Variants in ZNF280C observed in about 807,000 individuals in gnomAD.
The protein encoded by ZNF280C is suppressor of hairy wing homolog 3.
Under a neutral mutation model 53.6 loss-of-function variants are expected in ZNF280C, and 14 were observed. The observed-to-expected ratio is 0.26, with a 90% CI of 0.17 to 0.41. ZNF280C has a LOEUF of 0.41. ZNF280C is among the 10% of genes least tolerant of loss of function. The pLI is 1.00. For synonymous variants in ZNF280C, 203 were observed against 181.1 expected (o/e 1.12, Z -0.97); for missense variants, 416 against 547.1 (o/e 0.76, Z 2.39).
At chrX:130,225,062 G>A (rs1172058538) in intron 12 of ZNF280C, among the ~76,000 whole-genome samples, 1 of 111,265 alleles carries the variant, frequency 9.0e-6, no homozygotes, top group East Asian at 2.8e-4. Flanking sequence ...GCAAGTTAAG[G>A]CATACAACTT....
At position 130,239,640 on chromosome X, in the gene ZNF280C, A is replaced by G; in HGVS notation, c.435T>C (p.Phe145=). Residue 145 remains phenylalanine, a synonymous_variant, in exon 6 of 19, where the codon TTT becomes TTC. Transcript: ENST00000370978. The part of the protein sequence containing the change: ...VGSDNSSILL[F]DSTQESLPPS... Reference sequence around the variant, plus strand: ...GTGGTAGTGATTCCTGGGTCGAGTCAAACAGTAAAATTGAAGAATTATCCG... The same window carrying G: ...GTGGTAGTGATTCCTGGGTCGAGTCGAACAGTAAAATTGAAGAATTATCCG... 1 of 1,203,817 alleles carries G rather than the reference A, an allele frequency of 8.3e-7. No individual in the cohort carries two copies. The highest frequency in any genetic ancestry group is 1.1e-6 in the Non-Finnish European group (1 of 889,187).
At chrX:130,222,899 G>A (rs1179396550) in intron 12 of ZNF280C, among the ~76,000 whole-genome samples, 1 of 111,181 alleles carries the variant, frequency 9.0e-6, no homozygotes, top group Non-Finnish European at 1.9e-5. Flanking sequence ...CACCCTCCTC[G>A]GTCTCCCAAA....
Position 130,268,858 on chromosome X carries a change from C to G in ZNF280C, c.-113G>C, listed in dbSNP as rs2032720053. The G allele has an allele frequency of 8.9e-6, 1 of 112,629 alleles. No individual in the cohort carries two copies. Among genetic ancestry groups the G allele is most frequent in the South Asian group, 3.7e-4 (1 of 2,700 alleles). The allele number at this position is 112,629 out of a possible 1,213,427, so 9.3% of individuals were successfully genotyped here. A position where few individuals can be genotyped will look rare whatever the true frequency, so the allele number is the denominator to read the frequency against. ...AGCGCGAAAAACCTCAGGCGACAGC[C>G]TCAGCAACAGCGACTCCCCCGGAGA... is the stretch of plus-strand genomic sequence containing the variant. On this transcript the variant is annotated 5_prime_UTR_variant, in exon 1 of 19. Transcript: ENST00000370978.
chrX:130,214,924 A>G (rs2032083356), intron 15 of ZNF280C, among the ~76,000 whole-genome samples: 1 of 112,009 alleles, frequency 8.9e-6, no homozygotes, highest in African/African-American at 3.2e-5. Context: ...GAAAGACATA[A>G]AAGAAAAAAA....
At position 130,230,493 on chromosome X, in the gene ZNF280C, A is replaced by G. The variant is rs1433405468; in HGVS notation, c.989+17T>C. 9.0e-7 allele frequency: 1 copy of G among 1,110,008 alleles called. No homozygotes were observed. Among genetic ancestry groups the G allele is most frequent in the Non-Finnish European group, 1.2e-6 (1 of 818,579 alleles). The allele number at this position is 1,110,008 out of a possible 1,213,427, so 91.5% of individuals were successfully genotyped here. On this transcript the variant is annotated intron_variant, in intron 9 of 18. Transcript: ENST00000370978. ...ATCCCAACTTTCAAACAGAAATAAAAATAAATATTTACATACCTAATATTA... is the reference window on the plus strand; with the variant it reads ...ATCCCAACTTTCAAACAGAAATAAAGATAAATATTTACATACCTAATATTA...
At chrX:130,214,813 T>C (rs1429957388) in intron 15 of ZNF280C, among the ~76,000 whole-genome samples, 1 of 111,977 alleles carries the variant, frequency 8.9e-6, no homozygotes, top group African/African-American at 3.2e-5. Context: ...TTATCTACAG[T>C]TGGTTGAATC....
At chrX:130,247,156 T>A in intron 2 of ZNF280C, 151 bp from the exon 3 acceptor site, 1 of 610,832 alleles carries the variant, frequency 1.6e-6, no homozygotes, top group East Asian at 3.8e-5. Flanking sequence ...GAGTTTTGCT[T>A]TTGTTGCCCA....
intron 12 of ZNF280C, among the ~76,000 whole-genome samples, chrX:130,220,754 G>A (rs1274010254): frequency 9.0e-6 from 1 of 110,726 alleles, no homozygotes; most frequent in East Asian, 2.8e-4. Context: ...GCATAAATAC[G>A]AGTGGATCCC....
In ZNF280C at chrX:130,220,335, C is replaced by T; in HGVS notation, c.1527+14G>A. The stretch of plus-strand genomic sequence containing the variant: ...ATGTGCAAAAAACCACCAAAAACTC[C>T]CTCACAAACTCACTTTTGCTCCAGG... On this transcript the variant is annotated intron_variant, in intron 13 of 18. Transcript: ENST00000370978. 1 of 1,104,364 alleles carries T rather than the reference C, an allele frequency of 9.1e-7. No homozygotes were observed. Among genetic ancestry groups the T allele is most frequent in the South Asian group, 2.6e-5 (1 of 38,886 alleles). 91.0% of individuals were successfully genotyped at this position (1,104,364 alleles called of 1,213,427 possible).
chrX:130,215,957 T>C lies in ZNF280C; in HGVS notation c.1672A>G (p.Ser558Gly). ...TARNPRKSNASRSKTSKLHAT... is the reference protein window; with the variant it reads ...TARNPRKSNAGRSKTSKLHAT... ...TGAAGCTTACTTGTCTTAGATCTAC[T>C]GGCATTAGATTTTCTAGGATTTCTA... The change falls in exon 14 of 19, where the codon AGT becomes GGT. Residue 558 changes from serine (S) to glycine (G), a missense_variant. Physicochemically the swap from Ser to Gly is moderately conservative, Grantham distance 56. Transcript: ENST00000370978. 1 of 1,211,517 alleles carries C rather than the reference T, an allele frequency of 8.3e-7. No individual in the cohort carries two copies. Among genetic ancestry groups the C allele is most frequent in the Non-Finnish European group, 1.1e-6 (1 of 895,397 alleles).
Position 130,259,439 on chromosome X carries a change from A to G in ZNF280C, c.31+980T>C, listed in dbSNP as rs367849051. The stretch of plus-strand genomic sequence containing the variant: ...GGGAACAAATAAATAGGTCTTCCCC[A>G]TTCTTTTAAACTGAGTACTGTCATT... On this transcript the variant is annotated intron_variant, in intron 2 of 18. Transcript: ENST00000370978. 3.6e-4 allele frequency among the ~76,000 whole-genome samples: 40 copies of G among 112,469 alleles called. No homozygotes were observed. In the South Asian group the frequency reaches 0.012, roughly 33 times the overall value.
chrX:130,235,098 A>G (rs2032317007), intron 8 of ZNF280C, among the ~76,000 whole-genome samples: 1 of 112,298 alleles, frequency 8.9e-6, no homozygotes, highest in African/African-American at 3.2e-5. Flanking sequence ...AGGTAAACAA[A>G]AGGAGCTTTC....
chrX:130,264,037 AAAAAG>A (rs2032660487), intron 1 of ZNF280C, among the ~76,000 whole-genome samples: 1 of 105,064 alleles, frequency 9.5e-6, no homozygotes, highest in African/African-American at 3.5e-5. Flanking sequence ...AAAAAAAAAA[AAAAAG>A]AAAAGAAAGA....
At chrX:130,260,522 G>A in intron 1 of ZNF280C, 57 bp from the exon 2 acceptor site, 1 of 951,530 alleles carries the variant, frequency 1.1e-6, no homozygotes, top group Non-Finnish European at 1.5e-6. Context: ...GTAACACCAA[G>A]TATTGAAACA....
rs750072199 is a variant in ZNF280C, at chrX:130,207,654, G to A, written c.2042+1999C>T. Among the ~76,000 whole-genome samples the A allele has an allele frequency of 9.9e-5, 11 of 111,581 alleles. 1 individual carries two copies. The South Asian group carries it at 4.1e-3, about 42-fold the overall frequency. On this transcript the variant is annotated intron_variant, in intron 16 of 18. Coordinates refer to ENST00000370978, the MANE Select transcript of ZNF280C (RefSeq NM_017666.5). ...TGGGATTACAGGCATGAGTCACCGT[G>A]CCCGGCCAACTTTGATCTTAATATA...
At chrX:130,251,861 C>T (rs751548230) in intron 2 of ZNF280C, among the ~76,000 whole-genome samples, 30 of 111,055 alleles carry the variant, frequency 2.7e-4, no homozygotes, top group Non-Finnish European at 5.3e-4. Context: ...CGACCTTAAT[C>T]CCAGCACTCT....
chrX:130,209,758 T>A (rs1404904535), intron 15 of ZNF280C, 43 bp from the exon 16 acceptor site: 1 of 1,016,594 alleles, frequency 9.8e-7, no homozygotes, highest in Non-Finnish European at 1.4e-6. Flanking sequence ...AATTTTATTA[T>A]ACAACACCAT....
intron 1 of ZNF280C, among the ~76,000 whole-genome samples, chrX:130,262,138 T>C (rs2042026879): frequency 1.8e-5 from 2 of 112,215 alleles, no homozygotes; most frequent in South Asian, 7.4e-4. Flanking sequence ...AGAGTCTCAA[T>C]TGGTACGCTC....
Position 130,230,735 on chromosome X carries a change from A to G in ZNF280C, c.772-8T>C. The G allele has an allele frequency of 8.7e-7, 1 of 1,143,522 alleles. No individual in the cohort carries two copies. The highest frequency in any genetic ancestry group is 1.2e-6 in the Non-Finnish European group (1 of 840,937). 94.2% of individuals were successfully genotyped at this position (1,143,522 alleles called of 1,213,427 possible). A position where few individuals can be genotyped will look rare whatever the true frequency, so the allele number is the denominator to read the frequency against. On this transcript the variant is annotated splice_polypyrimidine_tract_variant and splice_region_variant and intron_variant, in intron 8 of 18. Coordinates refer to ENST00000370978, the MANE Select transcript of ZNF280C (RefSeq NM_017666.5). ...CATGTCTGGACAACAATGCTGAAAG[A>G]GGAAAAAAATATGAGCCTTGTCTAC...
Sources: allele counts gnomAD v4.1 joint callset (sites outside exome capture counted in the v4.1 genomes callset), GRCh38; gene constraint gnomAD v4.1.1; transcripts MANE v1.5; gene names NCBI Gene and HGNC (gene_info 2026-07-23, HGNC 2026-07-21).